The following FRMD4A variants were observed in gnomAD, a reference collection of about 807,000 sequenced individuals.
FRMD4A encodes the protein FERM domain-containing protein 4A.
A neutral mutation model predicts 129.1 loss-of-function variants in FRMD4A; 29 were observed. The observed-to-expected ratio is 0.22, with a 90% CI of 0.17 to 0.31. The LOEUF (loss-of-function observed/expected upper bound fraction) is 0.31. Ranked by LOEUF, FRMD4A falls within the 10% of genes least tolerant of loss-of-function variation. The pLI is 1.00. For synonymous variants in FRMD4A, 634 were observed against 571.6 expected, an observed-to-expected ratio of 1.11 and a Z score of -1.56; for missense variants, 1,272 against 1,375.8, an observed-to-expected ratio of 0.92 and a Z score of 1.19.
chr10:13,690,246 A>T (rs987296611), intron 15 of FRMD4A, among the ~76,000 whole-genome samples: 1 of 152,198 alleles, frequency 6.6e-6, no homozygotes, highest in African/African-American at 2.4e-5. Flanking sequence ...GAAAGGCAGG[A>T]AGAAAGGGAT....
At chr10:14,015,440 TC>T (rs1300586339) in intron 2 of FRMD4A, among the ~76,000 whole-genome samples, 1 of 149,482 alleles carries the variant, frequency 6.7e-6, no homozygotes, top group African/African-American at 2.5e-5. Context: ...CTCTCTTCCT[TC>T]CCTTGCCTTG....
intron 2 of FRMD4A, among the ~76,000 whole-genome samples, chr10:13,919,991 G>A (rs1345370782): frequency 2.0e-5 from 3 of 151,958 alleles, no homozygotes; most frequent in East Asian, 1.9e-4. Context: ...TTGCATGTGC[G>A]CCTGACCTAG....
intron 2 of FRMD4A, among the ~76,000 whole-genome samples, chr10:14,180,770 T>C (rs1841888355): frequency 6.6e-6 from 1 of 152,248 alleles, no homozygotes; most frequent in African/African-American, 2.4e-5. Flanking sequence ...CTTCCAATGC[T>C]GTCACATTTC....
chr10:14,296,918 C>T (rs1451220497), intron 2 of FRMD4A, among the ~76,000 whole-genome samples: 5 of 152,148 alleles, frequency 3.3e-5, no homozygotes, highest in African/African-American at 1.2e-4. Flanking sequence ...CCAGTCCTTC[C>T]TTCTGTGCCA....
At position 14,246,741 on chromosome 10, in the gene FRMD4A, G is replaced by A. The variant is rs143385283; in HGVS notation, c.45+83317C>T. Among the ~76,000 whole-genome samples, 122 of 152,188 alleles carry A rather than the reference G, an allele frequency of 8.0e-4. 1 individual carries two copies. The East Asian group carries it at 0.018, about 22-fold the overall frequency. ...CGCCATCCCCAAAGGACGTTGTGGC[G>A]CCAAAAGCAAGAAAGGGAGGTTAGG... On this transcript the variant is annotated intron_variant, in intron 2 of 24. Transcript: ENST00000357447.
intron 7 of FRMD4A, among the ~76,000 whole-genome samples, chr10:13,762,315 C>T (rs2092106604): frequency 6.6e-6 from 1 of 152,128 alleles, no homozygotes; most frequent in African/African-American, 2.4e-5. Flanking sequence ...TTGGCTTTCT[C>T]CAGGGTGGAG....
chr10:13,725,125 CTT>C (rs1297706617), intron 12 of FRMD4A, among the ~76,000 whole-genome samples: 1 of 152,170 alleles, frequency 6.6e-6, no homozygotes, highest in African/African-American at 2.4e-5. Flanking sequence ...TTTTATTTCT[CTT>C]TGTTTCTAGT....
intron 2 of FRMD4A, among the ~76,000 whole-genome samples, chr10:13,866,632 G>C (rs931077527): frequency 6.6e-6 from 1 of 152,080 alleles, no homozygotes; most frequent in African/African-American, 2.4e-5. Context: ...AGAAATTTAC[G>C]GGAAATACAC....
intron 2 of FRMD4A, among the ~76,000 whole-genome samples, chr10:14,062,042 A>T (rs1834839783): frequency 6.6e-6 from 1 of 152,234 alleles, no homozygotes; most frequent in Non-Finnish European, 1.5e-5. Flanking sequence ...GGAACACAAA[A>T]TGTAATTTCT....
At chr10:14,226,723 A>G (rs1257422887) in intron 2 of FRMD4A, among the ~76,000 whole-genome samples, 2 of 152,060 alleles carry the variant, frequency 1.3e-5, no homozygotes, top group African/African-American at 2.4e-5. Context: ...ACCATCCTTC[A>G]TTCGTCACCT....
At chr10:13,672,115 A>G (rs183907808) in intron 16 of FRMD4A, among the ~76,000 whole-genome samples, 1 of 152,188 alleles carries the variant, frequency 6.6e-6, no homozygotes, top group Admixed American at 6.5e-5. Context: ...GCGTGTGTAC[A>G]TGTGTACACG....
At chr10:14,291,250 C>G (rs1845842722) in intron 2 of FRMD4A, among the ~76,000 whole-genome samples, 1 of 152,122 alleles carries the variant, frequency 6.6e-6, no homozygotes, top group Non-Finnish European at 1.5e-5. Context: ...TTTGTAATGA[C>G]TTTCCAATTA....
chr10:14,037,415 G>C (rs1833552292), intron 2 of FRMD4A, among the ~76,000 whole-genome samples: 1 of 152,050 alleles, frequency 6.6e-6, no homozygotes, highest in Admixed American at 6.6e-5. Context: ...ACGGGGGTTT[G>C]CCATGTTGGC....
At chr10:13,906,290 A>T (rs2131210923) in intron 2 of FRMD4A, among the ~76,000 whole-genome samples, 1 of 152,260 alleles carries the variant, frequency 6.6e-6, no homozygotes, top group Middle Eastern at 3.4e-3. Flanking sequence ...CTGGTGTTTA[A>T]TCCACTTTCC....
chr10:14,287,931 A>G (rs1315980106), intron 2 of FRMD4A, among the ~76,000 whole-genome samples: 2 of 152,148 alleles, frequency 1.3e-5, no homozygotes, highest in African/African-American at 4.8e-5. Context: ...CAAAAATCTC[A>G]AAGTGGCTTA....
At chr10:13,782,342 T>G (rs1455987690) in intron 6 of FRMD4A, among the ~76,000 whole-genome samples, 3 of 152,104 alleles carry the variant, frequency 2.0e-5, no homozygotes, top group Admixed American at 6.5e-5. Flanking sequence ...AAAGAAATCT[T>G]TAAAATCAGG....
chr10:13,797,591 G>A (rs895789068), intron 4 of FRMD4A, among the ~76,000 whole-genome samples: 2 of 152,184 alleles, frequency 1.3e-5, no homozygotes, highest in Non-Finnish European at 2.9e-5. Context: ...GAACAACCAA[G>A]CTGAAGAATC....
intron 2 of FRMD4A, among the ~76,000 whole-genome samples, chr10:14,046,526 A>G (rs535441141): frequency 6.6e-6 from 1 of 152,348 alleles, no homozygotes; most frequent in East Asian, 1.9e-4. Flanking sequence ...TAATTTGATG[A>G]CATTTTAAGA....
In FRMD4A at chr10:14,032,459, C is replaced by T. The variant is rs111524136; in HGVS notation, c.46-173547G>A. On this transcript the variant is annotated intron_variant, in intron 2 of 24. Transcript: ENST00000357447. ...ACATGAATAGTTCTTGGTGAACTTC[C>T]GGCTAAAACAAAGCATTATCACCCC... Among the ~76,000 whole-genome samples, 443 of 152,268 alleles carry T rather than the reference C, an allele frequency of 2.9e-3. 1 individual carries two copies. Among genetic ancestry groups the T allele is most frequent in the African/African-American group, 9.9e-3 (413 of 41,558 alleles).
Sources: gnomAD v4.1 joint callset for allele counts (sites outside exome capture counted in the v4.1 genomes callset) on GRCh38, gnomAD v4.1.1 for gene constraint, MANE v1.5 for transcripts, NCBI Gene and HGNC (gene_info 2026-07-23, HGNC 2026-07-21) for gene names.